The following PREX1 variants were observed in gnomAD, a reference collection of about 807,000 sequenced individuals.
PREX1 encodes the protein phosphatidylinositol 3,4,5-trisphosphate-dependent Rac exchanger 1 protein.
Under a neutral mutation model 198.3 loss-of-function variants are expected in PREX1, and 41 were observed. The ratio of observed to expected loss-of-function variants is 0.21; its 90% confidence interval spans 0.16 to 0.27. The LOEUF (loss-of-function observed/expected upper bound fraction) is 0.27, where lower values mean the gene tolerates loss of function less well. Ranked by LOEUF, PREX1 falls within the 10% of genes least tolerant of loss-of-function variation. The probability of loss-of-function intolerance (pLI) is 1.00; values close to 1 mark genes in which losing one functional copy is unlikely to be tolerated. For missense variants in PREX1, 1,620 were observed against 2,200.7 expected, an observed-to-expected ratio of 0.74 and a Z score of 5.28; for synonymous variants, 843 against 887.2, an observed-to-expected ratio of 0.95 and a Z score of 0.89.
At chr20:48,642,695 A>G in intron 27 of PREX1, 1 of 538,310 alleles carries the variant, frequency 1.9e-6, no homozygotes, top group Non-Finnish European at 3.3e-6. Flanking sequence ...AATGGACAAC[A>G]GGCACTAACG....
the PREX1 span, among the ~76,000 whole-genome samples, chr20:48,848,839 G>A: frequency 6.6e-6 from 1 of 152,116 alleles, no homozygotes; most frequent in East Asian, 1.9e-4. Flanking sequence ...GGCATTCAAG[G>A]AATTCTCCTG....
intron 26 of PREX1, among the ~76,000 whole-genome samples, chr20:48,644,749 G>A (rs565642796): frequency 1.3e-5 from 2 of 152,324 alleles, no homozygotes; most frequent in South Asian, 2.1e-4. Flanking sequence ...GGAGGAAGAC[G>A]GTGAATCATT....
At chr20:48,662,634 C>T (rs2089605751) in intron 15 of PREX1, among the ~76,000 whole-genome samples, 1 of 152,228 alleles carries the variant, frequency 6.6e-6, no homozygotes, top group African/African-American at 2.4e-5. Context: ...TTAGTGTCTG[C>T]AGGCTCAGTT....
At chr20:48,837,949 A>G in the PREX1 span, among the ~76,000 whole-genome samples, 1 of 152,210 alleles carries the variant, frequency 6.6e-6, no homozygotes, top group African/African-American at 2.4e-5. Context: ...TTTTAGAAAC[A>G]TGATATTGAG....
the PREX1 span, among the ~76,000 whole-genome samples, chr20:48,877,914 G>T: frequency 4.6e-3 from 700 of 152,294 alleles, 1 homozygote; most frequent in Non-Finnish European, 7.7e-3. Context: ...TTTGAGACCA[G>T]CCTGGCCAAC....
At chr20:48,688,381 CTCT>C (rs1037089146) in intron 10 of PREX1, among the ~76,000 whole-genome samples, 1 of 152,138 alleles carries the variant, frequency 6.6e-6, no homozygotes, top group African/African-American at 2.4e-5. Flanking sequence ...GCACAGTAAG[CTCT>C]GTGAAACCTC....
At chr20:48,698,757 T>C (rs1459544623) in intron 7 of PREX1, among the ~76,000 whole-genome samples, 3 of 152,170 alleles carry the variant, frequency 2.0e-5, no homozygotes. Context: ...CACCAGGTGC[T>C]GTACCTGTGC....
intron 3 of PREX1, among the ~76,000 whole-genome samples, chr20:48,737,215 C>CAAAAA (rs140010281): frequency 1.8e-3 from 65 of 35,290 alleles, no homozygotes; most frequent in African/African-American, 3.4e-3. Flanking sequence ...GTTTTGACAG[C>CAAAAA]AAAAAAAAAA....
the PREX1 span, among the ~76,000 whole-genome samples, chr20:48,833,135 G>C: frequency 6.6e-6 from 1 of 152,174 alleles, no homozygotes; most frequent in African/African-American, 2.4e-5. Flanking sequence ...TTGTTGTGCA[G>C]GTTAAAATAT....
At chr20:48,811,643 CGT>C (rs1350631211) in intron 1 of PREX1, among the ~76,000 whole-genome samples, 58 of 97,772 alleles carry the variant, frequency 5.9e-4, no homozygotes, top group African/African-American at 1.1e-3. Flanking sequence ...CACACACACA[CGT>C]ACGTGTGCAT....
intron 4 of PREX1, among the ~76,000 whole-genome samples, chr20:48,727,102 T>A (rs184801474): frequency 3.0e-3 from 456 of 152,312 alleles, no homozygotes; most frequent in Non-Finnish European, 5.6e-3. Context: ...TATAAAGACA[T>A]GCGTGTTAAA....
chr20:48,671,740 A>T (rs1268766967), intron 14 of PREX1, among the ~76,000 whole-genome samples: 2 of 150,744 alleles, frequency 1.3e-5, no homozygotes, highest in Non-Finnish European at 2.9e-5. Context: ...TCTCCCGCAC[A>T]GAAAGACCCA....
Position 48,733,705 on chromosome 20 carries a change from C to T in PREX1, c.519+841G>A, listed in dbSNP as rs62210107. On this transcript the variant is annotated intron_variant, in intron 4 of 39. Coordinates refer to ENST00000371941, the MANE Select transcript of PREX1 (RefSeq NM_020820.4). ...GTAAATCCCTCTGTTGTTGTTGTTG[C>T]TGTTGTTGTTGTTGTTGTTTTGCTT... is the stretch of plus-strand genomic sequence containing the variant. Among the ~76,000 whole-genome samples, 21 of 151,196 alleles carry T rather than the reference C, an allele frequency of 1.4e-4. No homozygotes were observed. In the South Asian group the frequency reaches 2.7e-3, roughly 20 times the overall value.
At chr20:48,794,911 G>T (rs2090354004) in intron 1 of PREX1, among the ~76,000 whole-genome samples, 1 of 152,188 alleles carries the variant, frequency 6.6e-6, no homozygotes, top group African/African-American at 2.4e-5. Context: ...AGGGGTTTTT[G>T]TGACTAGCCT....
chr20:48,695,316 G>GTGC (rs1568828065), intron 7 of PREX1, among the ~76,000 whole-genome samples: 1 of 152,184 alleles, frequency 6.6e-6, no homozygotes, highest in African/African-American at 2.4e-5. Flanking sequence ...TGAGTTACCC[G>GTGC]TGCTGCTGGG....
intron 1 of PREX1, among the ~76,000 whole-genome samples, chr20:48,757,933 T>G (rs1009926512): frequency 5.3e-5 from 8 of 152,246 alleles, no homozygotes; most frequent in African/African-American, 1.7e-4. Context: ...CAATCAACTC[T>G]GCCTGTGGCT....
intron 1 of PREX1, among the ~76,000 whole-genome samples, chr20:48,786,093 C>G (rs1028215535): frequency 1.3e-5 from 2 of 151,974 alleles, no homozygotes; most frequent in African/African-American, 4.8e-5. Context: ...ATCTGAGGAG[C>G]AGCCAGGGGC....
intron 14 of PREX1, among the ~76,000 whole-genome samples, chr20:48,668,538 A>G (rs1457939366): frequency 6.6e-6 from 1 of 152,180 alleles, no homozygotes; most frequent in East Asian, 1.9e-4. Flanking sequence ...GAGCCCTGAG[A>G]GGCCCCGCCT....
Position 48,629,435 on chromosome 20 carries a change from G to A in PREX1, c.4766+14C>T, listed in dbSNP as rs377682771. The A allele has an allele frequency of 5.3e-5, 85 of 1,609,812 alleles. No homozygotes were observed. Among genetic ancestry groups the A allele is most frequent in the Admixed American group, 1.7e-4 (10 of 59,916 alleles). On this transcript the variant is annotated intron_variant, in intron 37 of 39. Coordinates refer to ENST00000371941, the MANE Select transcript of PREX1 (RefSeq NM_020820.4). ...GCCCCTCCCCACACCCCGACTCAGC[G>A]GGCAGCAGCTCACCTCTGCATGCCT...
Sources: gnomAD v4.1 joint callset for allele counts (sites outside exome capture counted in the v4.1 genomes callset) on GRCh38, gnomAD v4.1.1 for gene constraint, MANE v1.5 for transcripts, NCBI Gene and HGNC (gene_info 2026-07-23, HGNC 2026-07-21) for gene names.